The following MAML3 variants were observed in gnomAD, a reference collection of about 807,000 sequenced individuals.
MAML3 encodes the protein mastermind-like protein 3.
MAML3 carries 27 observed loss-of-function variants against 101.9 expected under a neutral mutation model. That is an observed-to-expected ratio of 0.27 (90% confidence interval 0.20 to 0.37). The LOEUF (loss-of-function observed/expected upper bound fraction) is 0.37. MAML3 is among the 10% of genes least tolerant of loss of function. The pLI is 1.00. For synonymous variants in MAML3, 501 were observed against 555.9 expected (o/e 0.90, Z 1.39); for missense variants, 1,316 against 1,444.9 (o/e 0.91, Z 1.45).
intron 2 of MAML3, among the ~76,000 whole-genome samples, chr4:139,859,111 CAGG>C (rs1395999425): frequency 6.6e-6 from 1 of 152,118 alleles, no homozygotes; most frequent in Admixed American, 6.5e-5. Flanking sequence ...CTCAGGATAC[CAGG>C]AGTTGCTAAT....
intron 2 of MAML3, among the ~76,000 whole-genome samples, chr4:139,837,815 G>A (rs966461093): frequency 5.3e-5 from 8 of 151,966 alleles, no homozygotes; most frequent in African/African-American, 1.9e-4. Context: ...AGTTACTTGG[G>A]AGGCTGAGGT....
intron 2 of MAML3, among the ~76,000 whole-genome samples, chr4:139,772,867 C>T: frequency 6.9e-6 from 1 of 145,898 alleles, no homozygotes; most frequent in Non-Finnish European, 1.5e-5. Flanking sequence ...ATCACGAAGT[C>T]AGGAGTTCGA....
chr4:139,977,460 G>C (rs1268345476), intron 1 of MAML3, among the ~76,000 whole-genome samples: 1 of 152,230 alleles, frequency 6.6e-6, no homozygotes, highest in Non-Finnish European at 1.5e-5. Context: ...AGGAGTGGAA[G>C]AGTGGAGCTC....
chr4:140,004,760 C>T (rs868589068), intron 1 of MAML3, among the ~76,000 whole-genome samples: 2 of 152,242 alleles, frequency 1.3e-5, no homozygotes, highest in African/African-American at 4.8e-5. Flanking sequence ...CTCTCCCTGC[C>T]AGCCCAGGGC....
intron 1 of MAML3, among the ~76,000 whole-genome samples, chr4:139,927,380 TG>T (rs1733287034): frequency 6.6e-6 from 1 of 152,254 alleles, no homozygotes. Flanking sequence ...TGGTTTATGC[TG>T]GTTTTTTCAC....
intron 1 of MAML3, among the ~76,000 whole-genome samples, chr4:139,967,368 C>A (rs2110784917): frequency 6.6e-6 from 1 of 152,156 alleles, no homozygotes; most frequent in African/African-American, 2.4e-5. Flanking sequence ...GAGAATCAAG[C>A]TGGCATTAAA....
At chr4:139,781,069 T>G (rs1425699307) in intron 2 of MAML3, among the ~76,000 whole-genome samples, 1 of 152,190 alleles carries the variant, frequency 6.6e-6, no homozygotes, top group African/African-American at 2.4e-5. Context: ...CTATAACTGG[T>G]TTCACTAGCT....
intron 2 of MAML3, among the ~76,000 whole-genome samples, chr4:139,754,739 T>C (rs919313794): frequency 6.6e-6 from 1 of 152,204 alleles, no homozygotes; most frequent in African/African-American, 2.4e-5. Context: ...GGTGTCTGGA[T>C]TATACTTTAG....
chr4:139,840,573 A>C (rs1337255079), intron 2 of MAML3, among the ~76,000 whole-genome samples: 1 of 152,192 alleles, frequency 6.6e-6, no homozygotes, highest in Non-Finnish European at 1.5e-5. Flanking sequence ...TCCAGTTCCC[A>C]AGGGCAAGGG....
intron 2 of MAML3, among the ~76,000 whole-genome samples, chr4:139,768,722 TG>T (rs1729914281): frequency 6.6e-6 from 1 of 152,228 alleles, no homozygotes; most frequent in Non-Finnish European, 1.5e-5. Flanking sequence ...AGACCAGTCC[TG>T]CTGCAGCACC....
intron 2 of MAML3, among the ~76,000 whole-genome samples, chr4:139,757,225 C>T (rs1729672737): frequency 6.6e-6 from 1 of 152,176 alleles, no homozygotes; most frequent in African/African-American, 2.4e-5. Flanking sequence ...TCAACTTTCC[C>T]TTGGAGCTCT....
intron 1 of MAML3, among the ~76,000 whole-genome samples, chr4:139,904,116 G>A (rs1200402301): frequency 2.0e-5 from 3 of 152,128 alleles, no homozygotes; most frequent in Non-Finnish European, 4.4e-5. Flanking sequence ...AATTCTGGAG[G>A]ACTAACATTC....
At chr4:140,036,114 C>G (rs963227814) in intron 1 of MAML3, among the ~76,000 whole-genome samples, 2 of 152,230 alleles carry the variant, frequency 1.3e-5, no homozygotes, top group African/African-American at 4.8e-5. Context: ...AACAGTACTT[C>G]TGCTGTTAAC....
chr4:140,121,726 C>T (rs1032306592), intron 1 of MAML3, among the ~76,000 whole-genome samples: 16 of 152,212 alleles, frequency 1.1e-4, no homozygotes, highest in Non-Finnish European at 1.8e-4. Context: ...CTGAAGGGAA[C>T]TATTTATCTA....
intron 2 of MAML3, among the ~76,000 whole-genome samples, chr4:139,860,072 C>CA (rs1167780381): frequency 6.6e-6 from 1 of 152,176 alleles, no homozygotes; most frequent in Non-Finnish European, 1.5e-5. Context: ...ATTGGAGAGA[C>CA]AAAATCTAAA....
intron 2 of MAML3, among the ~76,000 whole-genome samples, chr4:139,811,557 C>A (rs1300711444): frequency 6.6e-6 from 1 of 152,116 alleles, no homozygotes; most frequent in Admixed American, 6.5e-5. Flanking sequence ...TGAGGCAGAC[C>A]CGTATTACTA....
chr4:139,939,514 C>T (rs1479679557), intron 1 of MAML3, among the ~76,000 whole-genome samples: 1 of 152,126 alleles, frequency 6.6e-6, no homozygotes, highest in Non-Finnish European at 1.5e-5. Context: ...GGTCAGCTCT[C>T]TCTATTCTCC....
chr4:139,748,955 A>G (rs1729413691), intron 2 of MAML3, among the ~76,000 whole-genome samples: 1 of 152,190 alleles, frequency 6.6e-6, no homozygotes, highest in Non-Finnish European at 1.5e-5. Context: ...TCTTTGGTGA[A>G]TAGAGTGTGG....
chr4:139,759,414 C>T (rs550959057), intron 2 of MAML3, among the ~76,000 whole-genome samples: 5 of 152,358 alleles, frequency 3.3e-5, no homozygotes, highest in African/African-American at 1.2e-4. Context: ...TACCCCTCCA[C>T]ATCCACCCTG....
Sources: allele counts gnomAD v4.1 joint callset (sites outside exome capture counted in the v4.1 genomes callset), GRCh38; gene constraint gnomAD v4.1.1; transcripts MANE v1.5; gene names NCBI Gene and HGNC (gene_info 2026-07-23, HGNC 2026-07-21).